DYNC1I1: variants seen among roughly 807,000 people sequenced by gnomAD.
DYNC1I1 encodes the protein dynein cytoplasmic 1 intermediate chain 1.
Under a neutral mutation model 86.6 loss-of-function variants are expected in DYNC1I1, and 43 were observed. The observed-to-expected ratio is 0.50, with a 90% confidence interval of 0.39 to 0.64. The LOEUF (loss-of-function observed/expected upper bound fraction) is 0.64, where lower values mean the gene tolerates loss of function less well. Ranked by LOEUF, DYNC1I1 falls within the 30% of genes least tolerant of loss-of-function variation. The pLI, the probability that DYNC1I1 is intolerant of heterozygous loss-of-function variation, is 0.00. For missense variants in DYNC1I1, 604 were observed against 788.8 expected, an observed-to-expected ratio of 0.77 and a Z score of 2.81; for synonymous variants, 262 against 283.7, an observed-to-expected ratio of 0.92 and a Z score of 0.77.
chr7:95,979,766 T>C (rs1356388642), intron 7 of DYNC1I1, among the ~76,000 whole-genome samples: 1 of 152,196 alleles, frequency 6.6e-6, no homozygotes, highest in Admixed American at 6.5e-5. Flanking sequence ...AGATTCAGCA[T>C]TTTAACAGTG....
At chr7:95,896,215 G>C (rs1018798856) in intron 6 of DYNC1I1, among the ~76,000 whole-genome samples, 1 of 152,120 alleles carries the variant, frequency 6.6e-6, no homozygotes, top group African/African-American at 2.4e-5. Flanking sequence ...AGGCTTGCTC[G>C]GTGAAGAGCC....
chr7:96,035,871 G>T (rs1421229141), intron 13 of DYNC1I1, 119 bp downstream of exon 13: 2 of 1,471,786 alleles, frequency 1.4e-6, no homozygotes, highest in African/African-American at 1.4e-5. Context: ...TGGAAAGCAC[G>T]ACTTCAACTC....
chr7:96,082,350 T>C (rs1790549836), intron 16 of DYNC1I1, among the ~76,000 whole-genome samples: 1 of 152,142 alleles, frequency 6.6e-6, no homozygotes, highest in South Asian at 2.1e-4. Context: ...TTCCTTTCCT[T>C]TGTTTATAAC....
chr7:96,021,793 G>A (rs1365433805), intron 10 of DYNC1I1, among the ~76,000 whole-genome samples: 3 of 152,140 alleles, frequency 2.0e-5, no homozygotes, highest in African/African-American at 4.8e-5. Flanking sequence ...GTTTCAGTTA[G>A]CGTAATGATT....
intron 6 of DYNC1I1, among the ~76,000 whole-genome samples, chr7:95,931,360 G>T (rs1312936369): frequency 2.6e-5 from 4 of 152,142 alleles, no homozygotes; most frequent in Non-Finnish European, 5.9e-5. Context: ...ATGTTGGCCA[G>T]GCTGGTCTCA....
intron 1 of DYNC1I1, among the ~76,000 whole-genome samples, chr7:95,781,805 C>G (rs1013042939): frequency 6.6e-6 from 1 of 152,178 alleles, no homozygotes; most frequent in African/African-American, 2.4e-5. Context: ...TCTTTACACC[C>G]TCCTCACGGG....
At chr7:96,064,594 AG>A (rs1176504882) in intron 14 of DYNC1I1, among the ~76,000 whole-genome samples, 1 of 151,856 alleles carries the variant, frequency 6.6e-6, no homozygotes, top group Non-Finnish European at 1.5e-5. Context: ...GTGAGGGGAA[AG>A]GTTCTGAACC....
At chr7:95,857,072 G>A (rs1029323396) in intron 5 of DYNC1I1, among the ~76,000 whole-genome samples, 1 of 152,158 alleles carries the variant, frequency 6.6e-6, no homozygotes, top group Non-Finnish European at 1.5e-5. Context: ...CAAATCCTTT[G>A]ATGTCATGGA....
rs1405406272 is a variant in DYNC1I1 at position 95,850,252 on chromosome 7, A to C, written c.375-19631A>C. On this transcript the variant is annotated intron_variant, in intron 5 of 16. Coordinates refer to ENST00000447467, the MANE Select transcript of DYNC1I1 (RefSeq NM_001135556.2). The stretch of plus-strand genomic sequence containing the variant: ...GACTTCCAGGACTATGCTGAATAGA[A>C]GTAGCAAAACTGCATATCTTTGCCT... 2.0e-5 allele frequency among the ~76,000 whole-genome samples: 3 copies of C among 152,204 alleles called. No individual in the cohort carries two copies. The East Asian group carries it at 5.8e-4, about 29-fold the overall frequency.
intron 8 of DYNC1I1, among the ~76,000 whole-genome samples, chr7:95,985,852 C>T (rs1423225336): frequency 6.6e-6 from 1 of 152,148 alleles, no homozygotes; most frequent in African/African-American, 2.4e-5. Context: ...ATGTTCTCAA[C>T]AGTAGGCAGC....
chr7:95,844,628 G>C (rs984531219), intron 5 of DYNC1I1, among the ~76,000 whole-genome samples: 1 of 152,010 alleles, frequency 6.6e-6, no homozygotes, highest in African/African-American at 2.4e-5. Context: ...TCTTTTGATT[G>C]GTTGGGGGTG....
intron 5 of DYNC1I1, among the ~76,000 whole-genome samples, chr7:95,833,127 A>G (rs1476542798): frequency 2.7e-5 from 4 of 147,816 alleles, no homozygotes; most frequent in East Asian, 2.0e-4. Context: ...TCTTTAATCC[A>G]TCTTGAATTG....
intron 10 of DYNC1I1, among the ~76,000 whole-genome samples, chr7:96,016,799 C>G (rs966744413): frequency 6.6e-6 from 1 of 152,048 alleles, no homozygotes; most frequent in Non-Finnish European, 1.5e-5. Flanking sequence ...TATATTTTCC[C>G]CCTTTGCAAG....
At position 96,005,110 on chromosome 7, in the gene DYNC1I1, C is replaced by G. The variant is rs182984622; in HGVS notation, c.969+9037C>G. Among the ~76,000 whole-genome samples, 7 of 152,286 alleles carry G rather than the reference C, an allele frequency of 4.6e-5. No homozygotes were observed. In the East Asian group the frequency reaches 1.4e-3, roughly 29 times the overall value. On this transcript the variant is annotated intron_variant, in intron 10 of 16. Transcript: ENST00000447467. ...CAGAATATTTCTTCCTTTAAGCTGT[C>G]ATATCCAATCAGTTTGTATGGGATT...
intron 6 of DYNC1I1, among the ~76,000 whole-genome samples, chr7:95,900,679 T>C (rs916765025): frequency 6.6e-6 from 1 of 152,204 alleles, no homozygotes; most frequent in African/African-American, 2.4e-5. Context: ...ACTTGGGCTT[T>C]TCTTGATGCC....
At chr7:96,032,887 A>G (rs1794846273) in intron 12 of DYNC1I1, 107 bp downstream of exon 12, 3 of 866,972 alleles carry the variant, frequency 3.5e-6, no homozygotes, top group Non-Finnish European at 5.3e-6. Context: ...GAGGAGCTAA[A>G]ACAAATGGAT....
rs1794843451 is a variant in DYNC1I1 at position 96,032,765 on chromosome 7, G to A, written c.1215G>A (p.Met405Ile). ...DGKMCSWSLD[M>I]LSTPQESMEL... ...AAATGTGTTCCTGGAGCCTGGACAT[G>A]CTCTCAACTCCACAGGTGGGTTTGT... Residue 405 changes from methionine (M) to isoleucine (I), a missense_variant, in exon 12 of 17, where the codon ATG (methionine) becomes ATA (isoleucine). Transcript: ENST00000447467. 6.2e-7 allele frequency: 1 copy of A among 1,613,090 alleles called. No homozygotes were observed. Among genetic ancestry groups the A allele is most frequent in the Admixed American group, 1.7e-5 (1 of 59,942 alleles).
At chr7:95,813,093 C>CTTTTTTT (rs11452827) in intron 3 of DYNC1I1, 154 bp from the exon 4 acceptor site, 7 of 1,114,300 alleles carry the variant, frequency 6.3e-6, no homozygotes, top group African/African-American at 5.3e-5. Flanking sequence ...CTTTTCTTTC[C>CTTTTTTT]TTTTTTTTTT....
chr7:95,869,975 C>T lies in DYNC1I1; in HGVS notation c.467C>T (p.Pro156Leu). The T allele has an allele frequency of 6.2e-7, 1 of 1,613,794 alleles. No homozygotes were observed. The highest frequency in any genetic ancestry group is 8.5e-7 in the Non-Finnish European group (1 of 1,179,864). Residue 156 changes from proline to leucine, a missense_variant, in exon 6 of 17, where the codon CCT (proline) becomes CTT (leucine). Transcript: ENST00000447467. Reference protein sequence around the residue: ...VVSYSKETQTPLATHQSEEDE... With the variant: ...VVSYSKETQTLLATHQSEEDE... The stretch of plus-strand genomic sequence containing the variant: ...TCCTACTCAAAGGAGACCCAGACTC[C>T]TCTTGCCACGCATCAGTCTGAAGGT...
Sources: allele counts gnomAD v4.1 joint callset (sites outside exome capture counted in the v4.1 genomes callset), GRCh38; gene constraint gnomAD v4.1.1; transcripts MANE v1.5; gene names NCBI Gene and HGNC (gene_info 2026-07-23, HGNC 2026-07-21).